Variants in MS4A4A observed in about 807,000 individuals in gnomAD.
MS4A4A encodes membrane spanning 4-domains A4A.
MS4A4A carries 26 observed loss-of-function variants against 28.0 expected under a neutral mutation model. That is an observed-to-expected ratio of 0.93 (90% confidence interval 0.68 to 1.29). The LOEUF is 1.29. Ranked by LOEUF, MS4A4A falls within the 50% of genes most tolerant of loss-of-function variation. The probability of loss-of-function intolerance (pLI) is 0.00; values close to 1 mark genes in which losing one functional copy is unlikely to be tolerated. For synonymous variants in MS4A4A, 86 were observed against 100.8 expected (o/e 0.85, Z 0.88); for missense variants, 290 against 293.1 (o/e 0.99, Z 0.08).
At chr11:60,307,463 A>T (rs1227438381) in intron 6 of MS4A4A, among the ~76,000 whole-genome samples, 1 of 152,212 alleles carries the variant, frequency 6.6e-6, no homozygotes, top group African/African-American at 2.4e-5. Flanking sequence ...ACGTTTGGAC[A>T]TGGAGGCAAA....
At chr11:60,283,316 C>G (rs547894320) in intron 1 of MS4A4A, among the ~76,000 whole-genome samples, 15 of 152,316 alleles carry the variant, frequency 9.8e-5, no homozygotes, top group Admixed American at 3.9e-4. Flanking sequence ...GTCCTCCCAC[C>G]TTGGCCTCCT....
chr11:60,298,545 T>C (rs2084925053), intron 3 of MS4A4A, among the ~76,000 whole-genome samples: 1 of 152,240 alleles, frequency 6.6e-6, no homozygotes, highest in Non-Finnish European at 1.5e-5. Context: ...TTTTTCATTA[T>C]AATCATTTTA....
chr11:60,300,981 A>AT lies in MS4A4A; in HGVS notation c.331-14dup. The AT allele has an allele frequency of 6.3e-7, 1 of 1,580,448 alleles. No individual in the cohort carries two copies. Among genetic ancestry groups the AT allele is most frequent in the Non-Finnish European group, 8.6e-7 (1 of 1,161,436 alleles). ...TACTGGCTTAAAGTTTTTTACCTTC[A>AT]TTTTTTCTCTCATTTTTAGTTTATT... On this transcript the variant is annotated intron_variant, in intron 3 of 6. Transcript: ENST00000337908.
intron 1 of MS4A4A, among the ~76,000 whole-genome samples, chr11:60,287,193 G>C (rs1424003075): frequency 6.6e-6 from 1 of 152,064 alleles, no homozygotes; most frequent in Non-Finnish European, 1.5e-5. Context: ...TTTGTTTTCT[G>C]CTGCTGTAAA....
Position 60,282,179 on chromosome 11 carries a change from A to G in MS4A4A, c.41+1463A>G, listed in dbSNP as rs1195812914. ...CAGTTACAAGCTTTATTTTGATATA[A>G]TTGCTCTGCCCTCGAGGAAGCTTAC... On this transcript the variant is annotated intron_variant, in intron 1 of 6. Coordinates refer to ENST00000337908, the MANE Select transcript of MS4A4A (RefSeq NM_148975.3). 5.3e-5 allele frequency among the ~76,000 whole-genome samples: 8 copies of G among 152,164 alleles called. 1 individual carries two copies. The highest frequency in any genetic ancestry group is 5.2e-4 in the Admixed American group (8 of 15,274).
In MS4A4A at chr11:60,297,967, G is replaced by C. The variant is rs73487298; in HGVS notation, c.330+642G>C. Among the ~76,000 whole-genome samples, 558 of 151,788 alleles carry C rather than the reference G, an allele frequency of 3.7e-3. 3 individuals carry two copies. Among genetic ancestry groups the C allele is most frequent in the African/African-American group, 0.013 (548 of 41,394 alleles). ...ACTGACTATCGAAACTCAGGAAATT[G>C]TTACCTCAGAAAATGAAAATGTTAT... is the stretch of plus-strand genomic sequence containing the variant. On this transcript the variant is annotated intron_variant, in intron 3 of 6. Coordinates refer to ENST00000337908, the MANE Select transcript of MS4A4A (RefSeq NM_148975.3).
In MS4A4A at chr11:60,280,822, C is replaced by T. The variant is rs1010365076; in HGVS notation, c.41+106C>T. The T allele has an allele frequency of 1.1e-5, 14 of 1,315,870 alleles. No homozygotes were observed. The South Asian group carries it at 1.7e-4, about 16-fold the overall frequency. 81.5% of individuals were successfully genotyped at this position (1,315,870 alleles called of 1,614,324 possible). A position where few individuals can be genotyped will look rare whatever the true frequency, so the allele number is the denominator to read the frequency against. On this transcript the variant is annotated intron_variant, in intron 1 of 6. Coordinates refer to ENST00000337908, the MANE Select transcript of MS4A4A (RefSeq NM_148975.3). ...AATGAGAAGAATAATGAGGCCACTT[C>T]CCATGACCCAAGCTGGTATTCAGGG...
chr11:60,306,649 C>T (rs1565149949), intron 6 of MS4A4A, among the ~76,000 whole-genome samples: 1 of 152,136 alleles, frequency 6.6e-6, no homozygotes, highest in Non-Finnish European at 1.5e-5. Flanking sequence ...AGGTTCCATC[C>T]ACACTTGAGA....
At chr11:60,299,239 A>T (rs1209545480) in intron 3 of MS4A4A, among the ~76,000 whole-genome samples, 2 of 152,146 alleles carry the variant, frequency 1.3e-5, no homozygotes, top group Admixed American at 6.5e-5. Context: ...TATATTGTTC[A>T]TACTTAAATA....
chr11:60,308,211 G>A lies in MS4A4A; in HGVS notation c.*33G>A, dbSNP rs752848921. On this transcript the variant is annotated 3_prime_UTR_variant, in exon 7 of 7. Coordinates refer to ENST00000337908, the MANE Select transcript of MS4A4A (RefSeq NM_148975.3). ...AAAAGATCAACAGACAAATGCTCCA[G>A]AAATCTATGCTGACTGTGACACAAG... The A allele has an allele frequency of 1.9e-6, 3 of 1,596,138 alleles. No individual in the cohort carries two copies. Among genetic ancestry groups the A allele is most frequent in the Non-Finnish European group, 1.7e-6 (2 of 1,163,824 alleles).
At chr11:60,286,321 G>A (rs538876497) in intron 1 of MS4A4A, among the ~76,000 whole-genome samples, 5 of 152,302 alleles carry the variant, frequency 3.3e-5, no homozygotes, top group South Asian at 4.1e-4. Context: ...TTCAGCTTAC[G>A]AAGATGACGG....
rs2084913252 is a variant in MS4A4A at position 60,297,233 on chromosome 11, A to G, written c.238A>G (p.Met80Val). ...QILTALMSLSMGITMMCMASN... is the reference protein window; with the variant it reads ...QILTALMSLSVGITMMCMASN... ...TCTGACTGCCCTGATGAGCCTTAGC[A>G]TGGGAATAACAATGATGTGTATGGC... Residue 80 changes from methionine to valine, a missense_variant, in exon 3 of 7, where the codon ATG becomes GTG. Coordinates refer to ENST00000337908, the MANE Select transcript of MS4A4A (RefSeq NM_148975.3). 10 of 1,613,626 alleles carry G rather than the reference A, an allele frequency of 6.2e-6. No individual in the cohort carries two copies. Among genetic ancestry groups the G allele is most frequent in the South Asian group, 3.3e-5 (3 of 91,078 alleles).
intron 1 of MS4A4A, among the ~76,000 whole-genome samples, chr11:60,283,956 C>T (rs561341134): frequency 1.2e-3 from 181 of 152,348 alleles, no homozygotes; most frequent in African/African-American, 4.1e-3. Flanking sequence ...CCCACCTCTA[C>T]GTAGTCTTGT....
chr11:60,301,774 TG>T (rs2084955112), intron 4 of MS4A4A, among the ~76,000 whole-genome samples: 1 of 152,100 alleles, frequency 6.6e-6, no homozygotes, highest in Non-Finnish European at 1.5e-5. Flanking sequence ...GTTTTTTTTC[TG>T]GTTTTTGGTT....
intron 3 of MS4A4A, 66 bp downstream of exon 3, chr11:60,297,391 G>A (rs2084915598): frequency 1.3e-6 from 2 of 1,555,428 alleles, no homozygotes; most frequent in Non-Finnish European, 1.8e-6. Flanking sequence ...CCTGATCTTT[G>A]GAATCCTATT....
chr11:60,291,833 A>G (rs1269485159), intron 1 of MS4A4A, among the ~76,000 whole-genome samples: 1 of 152,030 alleles, frequency 6.6e-6, no homozygotes, highest in Admixed American at 6.5e-5. Context: ...TAAAAAACAA[A>G]GTAATCCTTT....
chr11:60,301,959 T>C (rs1306859551), intron 4 of MS4A4A, among the ~76,000 whole-genome samples: 1 of 152,182 alleles, frequency 6.6e-6, no homozygotes, highest in Non-Finnish European at 1.5e-5. Flanking sequence ...TTTGTATTTT[T>C]AGTAGAGATA....
chr11:60,281,694 A>G (rs1250874550), intron 1 of MS4A4A, among the ~76,000 whole-genome samples: 1 of 152,188 alleles, frequency 6.6e-6, no homozygotes, highest in Non-Finnish European at 1.5e-5. Flanking sequence ...GGATGGTGAC[A>G]TAAAAATGAG....
Position 60,308,384 on chromosome 11 carries a change from A to T in MS4A4A, c.*206A>T, listed in dbSNP as rs1364780651. On this transcript the variant is annotated 3_prime_UTR_variant, in exon 7 of 7. Transcript: ENST00000337908. Reference sequence around the variant, plus strand: ...TTCTCATTTTTTTCCCTGGAACTCAATAACTCATTTCACTGGCTCTTTATC... The same window carrying T: ...TTCTCATTTTTTTCCCTGGAACTCATTAACTCATTTCACTGGCTCTTTATC... The T allele has an allele frequency of 2.0e-6, 1 of 490,842 alleles. No individual in the cohort carries two copies. The highest frequency in any genetic ancestry group is 3.3e-5 in the East Asian group (1 of 30,538). The allele number at this position is 490,842 out of a possible 1,614,324, so 30.4% of individuals were successfully genotyped here.
Sources: allele counts gnomAD v4.1 joint callset (sites outside exome capture counted in the v4.1 genomes callset), GRCh38; gene constraint gnomAD v4.1.1; transcripts MANE v1.5; gene names NCBI Gene and HGNC (gene_info 2026-07-23, HGNC 2026-07-21).